CCDC38: variants seen among roughly 807,000 people sequenced by gnomAD.
CCDC38 encodes coiled-coil domain containing 38.
In CCDC38, 69 loss-of-function variants were observed where a neutral mutation model predicts 72.8. The observed-to-expected ratio is 0.95, with a 90% CI of 0.78 to 1.16. The LOEUF (loss-of-function observed/expected upper bound fraction) is 1.16. Ranked by LOEUF, CCDC38 falls within the 50% of genes most tolerant of loss-of-function variation. CCDC38 has a pLI of 0.00. For synonymous variants in CCDC38, 201 were observed against 213.2 expected (o/e 0.94, Z 0.50); for missense variants, 626 against 638.9 (o/e 0.98, Z 0.22).
chr12:95,872,099 C>A (rs1364498361), intron 14 of CCDC38, among the ~76,000 whole-genome samples, 156 bp downstream of exon 14: 3 of 152,082 alleles, frequency 2.0e-5, no homozygotes, highest in African/African-American at 7.2e-5. Context: ...ATCTCCCATG[C>A]TAAATAATAG....
chr12:95,878,079 G>T, intron 13 of CCDC38, 132 bp downstream of exon 13: 2 of 1,011,036 alleles, frequency 2.0e-6, no homozygotes, highest in Non-Finnish European at 2.9e-6. Context: ...TTCCAAGCTG[G>T]CTTTCCACTT....
rs181452880 is a variant in CCDC38 at position 95,888,541 on chromosome 12, G to T, written c.872-35C>A. ...ATGTCCAGGTGAGGCCATGCCGTTG[G>T]TGATGGTGGAGTGAAAAGAAATAAC... On this transcript the variant is annotated intron_variant, in intron 9 of 15. Coordinates refer to ENST00000344280, the MANE Select transcript of CCDC38 (RefSeq NM_182496.3). 7.5e-6 allele frequency: 12 copies of T among 1,606,450 alleles called. No individual in the cohort carries two copies. The East Asian group carries it at 2.7e-4, about 36-fold the overall frequency.
chr12:95,926,753 G>A (rs1359128278), intron 2 of CCDC38, among the ~76,000 whole-genome samples: 9 of 151,542 alleles, frequency 5.9e-5, no homozygotes, highest in Admixed American at 2.0e-4. Flanking sequence ...CTTTGTTCTC[G>A]TTGGTTTCAA....
At chr12:95,881,004 A>G (rs767773088) in intron 11 of CCDC38, among the ~76,000 whole-genome samples, 7 of 152,294 alleles carry the variant, frequency 4.6e-5, no homozygotes, top group Non-Finnish European at 4.4e-5. Context: ...TTTTAAAAAG[A>G]TGACTTGGAT....
chr12:95,904,734 C>T (rs2079984237), intron 5 of CCDC38, among the ~76,000 whole-genome samples: 1 of 152,168 alleles, frequency 6.6e-6, no homozygotes, highest in African/African-American at 2.4e-5. Context: ...CTCCAGTCTC[C>T]AGACCCTCTG....
chr12:95,881,136 G>C (rs1176210472), intron 11 of CCDC38, among the ~76,000 whole-genome samples: 1 of 151,664 alleles, frequency 6.6e-6, no homozygotes, highest in Non-Finnish European at 1.5e-5. Context: ...TTTGTTGAAG[G>C]CCTATTTATT....
chr12:95,916,288 T>C (rs2136716851), intron 4 of CCDC38, among the ~76,000 whole-genome samples: 1 of 151,888 alleles, frequency 6.6e-6, no homozygotes, highest in East Asian at 1.9e-4. Flanking sequence ...CTTCCCTAAG[T>C]GGTTTGCTTG....
intron 2 of CCDC38, among the ~76,000 whole-genome samples, chr12:95,932,693 A>C (rs2080350832): frequency 6.6e-6 from 1 of 152,216 alleles, no homozygotes; most frequent in Non-Finnish European, 1.5e-5. Context: ...TAAAAATGCC[A>C]ATTCTCCACG....
chr12:95,926,948 A>T (rs1471562829), intron 2 of CCDC38, among the ~76,000 whole-genome samples: 2 of 151,764 alleles, frequency 1.3e-5, no homozygotes, highest in Admixed American at 6.6e-5. Flanking sequence ...TGCTGAGGAG[A>T]GCTTTACTTC....
chr12:95,912,840 G>A (rs1374967905), intron 4 of CCDC38, among the ~76,000 whole-genome samples: 3 of 151,994 alleles, frequency 2.0e-5, no homozygotes, highest in Non-Finnish European at 4.4e-5. Flanking sequence ...TAGGTGGATC[G>A]CTTCAGCTCA....
At chr12:95,919,501 CCTT>C (rs1484204636) in intron 2 of CCDC38, 2 of 455,856 alleles carry the variant, frequency 4.4e-6, no homozygotes, top group Non-Finnish European at 4.4e-6. Context: ...AGTATGGAGT[CCTT>C]CTCAGGCCAT....
Position 95,925,774 on chromosome 12 carries a change from T to C in CCDC38, c.38-6798A>G, listed in dbSNP as rs1592801701. 2.0e-5 allele frequency among the ~76,000 whole-genome samples: 3 copies of C among 151,822 alleles called. 1 individual carries two copies. Among genetic ancestry groups the C allele is most frequent in the African/African-American group, 7.2e-5 (3 of 41,390 alleles). ...AAGGGTTGTTGAATTTTGTCAAAGG[T>C]CTTTTCTGCATCTATTGAGATAATC... On this transcript the variant is annotated intron_variant, in intron 2 of 15. Transcript: ENST00000344280.
intron 13 of CCDC38, among the ~76,000 whole-genome samples, chr12:95,875,210 G>A (rs1036003091): frequency 6.6e-6 from 1 of 152,126 alleles, no homozygotes; most frequent in Non-Finnish European, 1.5e-5. Flanking sequence ...AAAGAGGGCT[G>A]GTAAAGCCTG....
chr12:95,870,947 C>A (rs1565940159), intron 14 of CCDC38, among the ~76,000 whole-genome samples: 1 of 152,238 alleles, frequency 6.6e-6, no homozygotes, highest in Non-Finnish European at 1.5e-5. Flanking sequence ...ATCAGTATTA[C>A]TCCCGTTTTA....
chr12:95,918,853 T>C (rs1283678437), intron 3 of CCDC38, 23 bp downstream of exon 3: 1 of 1,451,954 alleles, frequency 6.9e-7, no homozygotes, highest in Non-Finnish European at 9.7e-7. Context: ...TTAATTGGGG[T>C]TGTGATTTTA....
At chr12:95,911,357 CAA>C (rs987001141) in intron 4 of CCDC38, among the ~76,000 whole-genome samples, 1 of 152,076 alleles carries the variant, frequency 6.6e-6, no homozygotes, top group African/African-American at 2.4e-5. Context: ...CCAAATGCAA[CAA>C]AAATAAAAAT....
rs150656475 is a variant in CCDC38, at chr12:95,888,419, T to C, written c.920+39A>G. On this transcript the variant is annotated intron_variant, in intron 10 of 15. Transcript: ENST00000344280. ...TTAAAAGTTATTTGCTGAAAACCAT[T>C]CCCAGTTTCCAAGGGAGTTAGTCAA... is the stretch of plus-strand genomic sequence containing the variant. The C allele has an allele frequency of 9.3e-4, 1,458 of 1,572,878 alleles. 30 individuals are homozygous for C. The East Asian group carries it at 0.025, about 27-fold the overall frequency.
At chr12:95,905,099 T>C (rs1215663773) in intron 5 of CCDC38, among the ~76,000 whole-genome samples, 1 of 152,378 alleles carries the variant, frequency 6.6e-6, no homozygotes, top group African/African-American at 2.4e-5. Context: ...TTAATTATAG[T>C]ACCTAATACC....
At chr12:95,940,618 A>G (rs2080439377) in intron 1 of CCDC38, among the ~76,000 whole-genome samples, 1 of 152,050 alleles carries the variant, frequency 6.6e-6, no homozygotes. Context: ...GACAAATACT[A>G]GGAAAAGGGG....
Sources: allele counts gnomAD v4.1 joint callset (sites outside exome capture counted in the v4.1 genomes callset), GRCh38; gene constraint gnomAD v4.1.1; transcripts MANE v1.5; gene names NCBI Gene and HGNC (gene_info 2026-07-23, HGNC 2026-07-21).